Variants in PARD3B observed in about 807,000 individuals in gnomAD.
PARD3B encodes the protein partitioning defective 3 homolog B.
Under a neutral mutation model 130.2 loss-of-function variants are expected in PARD3B, and 103 were observed. The observed-to-expected ratio is 0.79, with a 90% CI of 0.67 to 0.93. PARD3B has a LOEUF of 0.93. Among genes scored for constraint, PARD3B ranks in the 40% least tolerant of loss-of-function variants. PARD3B has a pLI of 0.00. For synonymous variants in PARD3B, 583 were observed against 553.2 expected (o/e 1.05, Z -0.76); for missense variants, 1,609 against 1,499.2 (o/e 1.07, Z -1.21).
chr2:205,541,350 T>A (rs1297285609), intron 21 of PARD3B, among the ~76,000 whole-genome samples: 1 of 45,464 alleles, frequency 2.2e-5, no homozygotes, highest in Non-Finnish European at 8.4e-5. Context: ...AAACTTTGTT[T>A]TTTTTTTTTT....
chr2:204,803,763 A>G (rs949654935), intron 2 of PARD3B, among the ~76,000 whole-genome samples: 16 of 152,182 alleles, frequency 1.1e-4, no homozygotes, highest in African/African-American at 3.6e-4. Flanking sequence ...AACCACATTC[A>G]CTAAAACGAA....
chr2:205,305,876 A>C (rs553620170), intron 18 of PARD3B, among the ~76,000 whole-genome samples: 1 of 152,222 alleles, frequency 6.6e-6, no homozygotes, highest in Non-Finnish European at 1.5e-5. Context: ...AAACATAATA[A>C]TGACCCCTGA....
At position 205,121,931 on chromosome 2, in the gene PARD3B, A is replaced by T; in HGVS notation, c.1147A>T (p.Lys383Ter). The T allele has an allele frequency of 6.2e-7, 1 of 1,607,296 alleles. No individual in the cohort carries two copies. The highest frequency in any genetic ancestry group is 8.5e-7 in the Non-Finnish European group (1 of 1,175,314). Reference protein sequence around the residue: ...FGSNKNAKKIKIDLKKGPEGL... With the variant: ...FGSNKNAKKI ...CAGCAATAAAAATGCAAAGAAAATT[A>T]AGATTGACCTAAAGAAAGGTAATTA... is the stretch of plus-strand genomic sequence containing the variant. Residue 383 changes from lysine to a stop codon, truncating the protein, a stop_gained, in exon 8 of 23, where the codon AAG (lysine) becomes TAG (stop). Transcript: ENST00000406610. LOFTEE classifies it high-confidence loss of function. The surrounding 1 kb of genome is among the most constrained non-coding windows in gnomAD (Gnocchi z 5.0).
chr2:204,762,724 T>C (rs2040957277), intron 2 of PARD3B, among the ~76,000 whole-genome samples: 1 of 150,756 alleles, frequency 6.6e-6, no homozygotes, highest in African/African-American at 2.4e-5. Flanking sequence ...GGGACTTAAC[T>C]GCCAGCTGTT....
intron 16 of PARD3B, among the ~76,000 whole-genome samples, chr2:205,298,977 G>A (rs2041890838): frequency 6.6e-6 from 1 of 152,072 alleles, no homozygotes; most frequent in African/African-American, 2.4e-5. Context: ...CTGTAAAATG[G>A]GGCTAAAAGT....
chr2:204,584,727 A>G (rs2032742127), intron 1 of PARD3B, among the ~76,000 whole-genome samples: 1 of 152,242 alleles, frequency 6.6e-6, no homozygotes, highest in Non-Finnish European at 1.5e-5. Context: ...ATTCAGGACT[A>G]GCAAGATTGT....
At chr2:205,474,185 T>C (rs932108538) in intron 20 of PARD3B, among the ~76,000 whole-genome samples, 11 of 152,226 alleles carry the variant, frequency 7.2e-5, no homozygotes, top group African/African-American at 2.6e-4. Context: ...TATTTAAAGA[T>C]ATACTTTTAT....
At chr2:205,115,842 A>G (rs895384497) in intron 6 of PARD3B, among the ~76,000 whole-genome samples, 1 of 152,138 alleles carries the variant, frequency 6.6e-6, no homozygotes, top group East Asian at 1.9e-4. Flanking sequence ...ATTTCCTTCC[A>G]TTTATTGGTT....
chr2:205,128,080 C>T lies in PARD3B; in HGVS notation c.1434+2343C>T, dbSNP rs569461534. ...AGAAATAAAAACTCTCCAAAATCCT[C>T]AGTGGAACTATGTGCTTATTTCTGA... On this transcript the variant is annotated intron_variant, in intron 10 of 22. Transcript: ENST00000406610. This position sits in a 1 kb window ranked among gnomAD's most constrained non-coding sequence, Gnocchi z 4.5. Among the ~76,000 whole-genome samples the T allele has an allele frequency of 2.7e-4, 41 of 152,330 alleles. No individual in the cohort carries two copies. The highest frequency in any genetic ancestry group is 1.4e-3 in the Admixed American group (22 of 15,302).
intron 16 of PARD3B, among the ~76,000 whole-genome samples, chr2:205,282,878 T>C (rs2041244209): frequency 6.6e-6 from 1 of 152,166 alleles, no homozygotes; most frequent in Admixed American, 6.5e-5. Context: ...CCCACCCAGG[T>C]TCCCAATCAG....
At position 205,300,770 on chromosome 2, in the gene PARD3B, A is replaced by C. The variant is rs192096850; in HGVS notation, c.2392+34A>C. The C allele has an allele frequency of 6.3e-7, 1 of 1,580,368 alleles. No homozygotes were observed. Among genetic ancestry groups the C allele is most frequent in the East Asian group, 2.3e-5 (1 of 44,174 alleles). On this transcript the variant is annotated intron_variant, in intron 17 of 22. Transcript: ENST00000406610. The surrounding 1 kb of genome is among the most constrained non-coding windows in gnomAD (Gnocchi z 4.1). ...ATATGCTTCCTTAAATGGCTTCTTC[A>C]TCTCATTATTATCTGCAAATCATGG...
At chr2:205,344,081 C>T (rs987460665) in intron 18 of PARD3B, among the ~76,000 whole-genome samples, 2 of 151,898 alleles carry the variant, frequency 1.3e-5, no homozygotes, top group African/African-American at 2.4e-5. Context: ...GAGCTTCCAG[C>T]GGATACATGG....
In PARD3B at chr2:205,263,631, A is replaced by C. The variant is rs548950905; in HGVS notation, c.2185+17809A>C. Among the ~76,000 whole-genome samples the C allele has an allele frequency of 4.6e-5, 7 of 151,154 alleles. No homozygotes were observed. The highest frequency in any genetic ancestry group is 1.7e-4 in the African/African-American group (7 of 41,122). Reference sequence around the variant, plus strand: ...TAAAACTATAAAACTTCTAGAAAACAAATGGGAGAAATTTTAGTTACAGTG... The same window carrying C: ...TAAAACTATAAAACTTCTAGAAAACCAATGGGAGAAATTTTAGTTACAGTG... On this transcript the variant is annotated intron_variant, in intron 16 of 22. Coordinates refer to ENST00000406610, the MANE Select transcript of PARD3B (RefSeq NM_001302769.2). The surrounding 1 kb of genome is among the most constrained non-coding windows in gnomAD (Gnocchi z 4.0).
intron 2 of PARD3B, among the ~76,000 whole-genome samples, chr2:204,878,124 A>G (rs2045913447): frequency 6.6e-6 from 1 of 152,196 alleles, no homozygotes; most frequent in Non-Finnish European, 1.5e-5. Context: ...TTGGCACTGT[A>G]AAGAAAAAAG....
In PARD3B at chr2:204,965,137, T is replaced by A; in HGVS notation, c.223-15T>A. 6.2e-7 allele frequency: 1 copy of A among 1,610,920 alleles called. No homozygotes were observed. The highest frequency in any genetic ancestry group is 8.5e-7 in the Non-Finnish European group (1 of 1,177,886). ...TGTCCTACAAAGTAATTAGTGTTGT[T>A]GGATTTGTTTGTAGCTGATTGCTGT... On this transcript the variant is annotated splice_polypyrimidine_tract_variant and intron_variant, in intron 2 of 22. Transcript: ENST00000406610.
chr2:205,507,927 T>C (rs114167446), intron 21 of PARD3B, among the ~76,000 whole-genome samples: 2,100 of 152,372 alleles, frequency 0.014, 15 homozygotes, highest in South Asian at 0.023. Context: ...ATGATGTCAC[T>C]GAATTATTCA....
rs968289096 is a variant in PARD3B at position 205,585,720 on chromosome 2, G to A, written c.3261-29736G>A. 1.7e-4 allele frequency among the ~76,000 whole-genome samples: 26 copies of A among 152,196 alleles called. No homozygotes were observed. Among genetic ancestry groups the A allele is most frequent in the Non-Finnish European group, 3.1e-4 (21 of 68,044 alleles). Reference sequence around the variant, plus strand: ...TAGGCCCTGCCTCTTCAGGTTTTAGGGCTTTGAAGGTGGGGAATCAGGAGT... The same window carrying A: ...TAGGCCCTGCCTCTTCAGGTTTTAGAGCTTTGAAGGTGGGGAATCAGGAGT... On this transcript the variant is annotated intron_variant, in intron 22 of 22. Transcript: ENST00000406610. The surrounding 1 kb of genome is among the most constrained non-coding windows in gnomAD (Gnocchi z 5.4).
In PARD3B at chr2:205,470,803, T is replaced by G. The variant is rs1302325915; in HGVS notation, c.3045-29093T>G. On this transcript the variant is annotated intron_variant, in intron 20 of 22. Transcript: ENST00000406610. The surrounding 1 kb of genome is among the most constrained non-coding windows in gnomAD (Gnocchi z 4.8). ...TCATGTTTGACTCTATTAGGAAAAA[T>G]TCTATGGAGTTTACAATAGAATCAT... Among the ~76,000 whole-genome samples, 1 of 152,116 alleles carries G rather than the reference T, an allele frequency of 6.6e-6. No individual in the cohort carries two copies. Among genetic ancestry groups the G allele is most frequent in the Non-Finnish European group, 1.5e-5 (1 of 68,016 alleles).
chr2:204,648,696 T>C (rs1184438225), intron 1 of PARD3B, among the ~76,000 whole-genome samples: 1 of 92,482 alleles, frequency 1.1e-5, no homozygotes, highest in African/African-American at 4.5e-5. Context: ...ATATTTATAA[T>C]ATATATCATA....
Sources: allele counts gnomAD v4.1 joint callset (sites outside exome capture counted in the v4.1 genomes callset), GRCh38; gene constraint gnomAD v4.1.1; non-coding constraint Gnocchi (gnomAD v3.1); transcripts MANE v1.5; gene names NCBI Gene and HGNC (gene_info 2026-07-23, HGNC 2026-07-21).